Variants in GMDS observed in about 807,000 individuals in gnomAD.
The protein encoded by GMDS is GDP-mannose 4,6-dehydratase, also known as GDP-mannose 4,6 dehydratase.
A neutral mutation model predicts 49.9 loss-of-function variants in GMDS; 20 were observed. That is an observed-to-expected ratio of 0.40 (90% CI 0.28 to 0.58). The LOEUF is 0.58. Ranked by LOEUF, GMDS falls within the 20% of genes least tolerant of loss-of-function variation. The pLI, the probability that GMDS is intolerant of heterozygous loss-of-function variation, is 0.42. For missense variants in GMDS, 362 were observed against 481.4 expected (o/e 0.75, Z 2.32); for synonymous variants, 177 against 178.6 (o/e 0.99, Z 0.07).
intron 1 of GMDS, among the ~76,000 whole-genome samples, chr6:2,229,636 T>C (rs1304323485): frequency 6.6e-6 from 1 of 152,124 alleles, no homozygotes; most frequent in Non-Finnish European, 1.5e-5. Flanking sequence ...ATCAAACTCA[T>C]GTTCATCTTT....
chr6:2,002,127 G>C (rs1766855151), intron 4 of GMDS, among the ~76,000 whole-genome samples: 1 of 152,148 alleles, frequency 6.6e-6, no homozygotes, highest in Non-Finnish European at 1.5e-5. Flanking sequence ...AGGGAAAATT[G>C]GATTTATATA....
intron 9 of GMDS, among the ~76,000 whole-genome samples, chr6:1,689,142 G>C (rs1765084022): frequency 2.0e-5 from 3 of 152,196 alleles, no homozygotes; most frequent in Admixed American, 1.3e-4. Context: ...GGTTGTGTCA[G>C]ATATATATTT....
chr6:1,856,758 T>G (rs1188887384), intron 7 of GMDS, among the ~76,000 whole-genome samples: 1 of 152,242 alleles, frequency 6.6e-6, no homozygotes, highest in Non-Finnish European at 1.5e-5. Context: ...TGCGTAGTTT[T>G]GATATTCCAT....
intron 1 of GMDS, among the ~76,000 whole-genome samples, chr6:2,137,785 GTCACTGCCT>G (rs1776084514): frequency 1.3e-5 from 2 of 152,162 alleles, no homozygotes; most frequent in African/African-American, 4.8e-5. Context: ...AGATCACAAG[GTCACTGCCT>G]TCACTGTCTT....
chr6:2,016,052 A>ATATAC (rs1554147143), intron 4 of GMDS, among the ~76,000 whole-genome samples: 1 of 143,728 alleles, frequency 7.0e-6, no homozygotes, highest in Non-Finnish European at 1.5e-5. Flanking sequence ...AGCCTAGGCA[A>ATATAC]CAAAACCCTG....
At chr6:1,652,909 C>A (rs1763760454) in intron 9 of GMDS, among the ~76,000 whole-genome samples, 1 of 146,046 alleles carries the variant, frequency 6.8e-6, no homozygotes, top group Non-Finnish European at 1.5e-5. Flanking sequence ...GGCCTTCTTC[C>A]TGCCCTCCTG....
At chr6:1,659,376 G>A (rs1184215991) in intron 9 of GMDS, among the ~76,000 whole-genome samples, 1 of 152,096 alleles carries the variant, frequency 6.6e-6, no homozygotes, top group Non-Finnish European at 1.5e-5. Context: ...TGGGGACAGA[G>A]TTTCAACTAA....
chr6:1,981,713 A>C (rs1053175680), intron 4 of GMDS, among the ~76,000 whole-genome samples: 8 of 152,190 alleles, frequency 5.3e-5, no homozygotes, highest in Non-Finnish European at 1.0e-4. Flanking sequence ...GCAGAGGTAC[A>C]ACAAAAAAAA....
chr6:1,670,699 T>C (rs943890416), intron 9 of GMDS, among the ~76,000 whole-genome samples: 14 of 152,232 alleles, frequency 9.2e-5, no homozygotes, highest in Non-Finnish European at 2.9e-5. Context: ...AATAGTTCAG[T>C]AGTGCTAGAG....
At chr6:2,106,298 T>C (rs1467309990) in intron 4 of GMDS, among the ~76,000 whole-genome samples, 1 of 152,210 alleles carries the variant, frequency 6.6e-6, no homozygotes, top group Non-Finnish European at 1.5e-5. Context: ...ATTACATTTT[T>C]TGAACTAGAA....
At chr6:1,705,957 G>C (rs534832114) in intron 9 of GMDS, among the ~76,000 whole-genome samples, 16 of 152,296 alleles carry the variant, frequency 1.1e-4, no homozygotes, top group African/African-American at 3.4e-4. Flanking sequence ...GTGCATCTGG[G>C]GGGCATTAAG....
At chr6:1,757,606 T>G (rs1303110608) in intron 7 of GMDS, among the ~76,000 whole-genome samples, 1 of 152,240 alleles carries the variant, frequency 6.6e-6, no homozygotes, top group Non-Finnish European at 1.5e-5. Context: ...GAGCACCTGA[T>G]TCTGCCTCTT....
intron 9 of GMDS, among the ~76,000 whole-genome samples, chr6:1,675,696 T>TA (rs1256320370): frequency 6.6e-6 from 1 of 151,640 alleles, no homozygotes; most frequent in East Asian, 1.9e-4. Context: ...ACTAAAAATA[T>TA]AAAAAAATTA....
chr6:1,905,904 G>GGGCC (rs1390175159), intron 7 of GMDS, among the ~76,000 whole-genome samples: 1 of 73,076 alleles, frequency 1.4e-5, no homozygotes, highest in African/African-American at 6.3e-5. Context: ...GGCCATCTGG[G>GGGCC]AACACGTATG....
At chr6:1,814,312 A>G (rs1425869715) in intron 7 of GMDS, among the ~76,000 whole-genome samples, 1 of 152,208 alleles carries the variant, frequency 6.6e-6, no homozygotes, top group African/African-American at 2.4e-5. Context: ...CACGGCTAGA[A>G]CAGCTTTTTG....
At chr6:1,702,262 G>A (rs914077593) in intron 9 of GMDS, among the ~76,000 whole-genome samples, 6 of 152,124 alleles carry the variant, frequency 3.9e-5, no homozygotes, top group Non-Finnish European at 8.8e-5. Context: ...CGTTTAGAGT[G>A]GCAGGAATGC....
rs576173997 is a variant in GMDS at position 1,725,591 on chromosome 6, A to T, written c.987+825T>A. ...GGGGATTACAGGCATGCGCTACCAC[A>T]CCCGGCTAATTTTGTATTTTTAGTA... On this transcript the variant is annotated intron_variant, in intron 9 of 10. Coordinates refer to ENST00000380815, the MANE Select transcript of GMDS (RefSeq NM_001500.4). Among the ~76,000 whole-genome samples, 1,250 of 152,020 alleles carry T rather than the reference A, an allele frequency of 8.2e-3. 4 individuals carry two copies. The highest frequency in any genetic ancestry group is 0.014 in the Non-Finnish European group (946 of 67,956).
intron 9 of GMDS, among the ~76,000 whole-genome samples, chr6:1,675,887 C>A (rs1161026369): frequency 6.6e-6 from 1 of 151,294 alleles, no homozygotes; most frequent in Non-Finnish European, 1.5e-5. Context: ...GATATCACCA[C>A]CGATTCCACA....
intron 7 of GMDS, among the ~76,000 whole-genome samples, chr6:1,817,396 T>C (rs930597881): frequency 6.6e-6 from 1 of 152,236 alleles, no homozygotes; most frequent in African/African-American, 2.4e-5. Context: ...TAAGAAAGCC[T>C]ATACATAAGA....
Sources: allele counts gnomAD v4.1 joint callset (sites outside exome capture counted in the v4.1 genomes callset), GRCh38; gene constraint gnomAD v4.1.1; transcripts MANE v1.5; gene names NCBI Gene and HGNC (gene_info 2026-07-23, HGNC 2026-07-21).